The following FANCE variants were observed in gnomAD, a reference collection of about 807,000 sequenced individuals.
The protein encoded by FANCE is FA complementation group E.
In FANCE, 42 loss-of-function variants were observed where a neutral mutation model predicts 57.8. That is an observed-to-expected ratio of 0.73 (90% CI 0.57 to 0.94). The LOEUF (loss-of-function observed/expected upper bound fraction) is 0.94. Among genes scored for constraint, FANCE ranks in the 40% least tolerant of loss-of-function variants. The pLI is 0.00. For missense variants in FANCE, 608 were observed against 661.8 expected (o/e 0.92, Z 0.89); for synonymous variants, 251 against 286.4 (o/e 0.88, Z 1.25).
chr6:35,466,151 G>A (rs1419073679), intron 9 of FANCE, 93 bp from the exon 10 acceptor site: 3 of 816,682 alleles, frequency 3.7e-6, no homozygotes, highest in Non-Finnish European at 6.6e-6. Flanking sequence ...CCATCCTCCT[G>A]GCCTCCTCTC....
chr6:35,460,647 A>T (rs1344926508), intron 8 of FANCE, 29 bp downstream of exon 8: 1 of 1,602,992 alleles, frequency 6.2e-7, no homozygotes, highest in African/African-American at 1.3e-5. Flanking sequence ...GGAAGAGTGG[A>T]CAAAGAAGTG....
In FANCE at chr6:35,455,898, CGTGCCCT is replaced by C; in HGVS notation, c.402_408del (p.Ala135GlyfsTer42). On this transcript the variant is annotated frameshift_variant, in exon 2 of 10. Coordinates refer to ENST00000229769, the MANE Select transcript of FANCE (RefSeq NM_021922.3). LOFTEE classifies it high-confidence loss of function. The stretch of plus-strand genomic sequence containing the variant: ...AGCCCCTGACCCAGATGCCTGGCTC[CGTGCCCT>C]GGGGGAATTGCTGCGAAGGGATTTG... The C allele has an allele frequency of 6.2e-7, 1 of 1,614,152 alleles. No homozygotes were observed. The highest frequency in any genetic ancestry group is 1.1e-5 in the South Asian group (1 of 91,082).
At chr6:35,464,820 C>T (rs1427482037) in intron 9 of FANCE, among the ~76,000 whole-genome samples, 2 of 149,752 alleles carry the variant, frequency 1.3e-5, no homozygotes, top group Admixed American at 1.3e-4. Context: ...GCAAGCTCCG[C>T]CTCCTGGGTT....
At chr6:35,455,649 C>T in intron 1 of FANCE, 98 bp from the exon 2 acceptor site, 1 of 1,443,352 alleles carries the variant, frequency 6.9e-7, no homozygotes, top group Non-Finnish European at 9.6e-7. Context: ...GTGCCAGCCC[C>T]CATCTGTCCA....
intron 1 of FANCE, among the ~76,000 whole-genome samples, chr6:35,453,085 C>G (rs1767175607): frequency 1.3e-5 from 2 of 152,180 alleles, no homozygotes; most frequent in African/African-American, 4.8e-5. Context: ...TGTAAGTATA[C>G]TTATGTATAA....
intron 4 of FANCE, 152 bp from the exon 5 acceptor site, chr6:35,458,145 C>G: frequency 7.9e-7 from 1 of 1,269,752 alleles, no homozygotes; most frequent in South Asian, 1.2e-5. Context: ...TCTTTTAGCC[C>G]TTGGTTCCTT....
chr6:35,456,489 T>C lies in FANCE; in HGVS notation c.855+136T>C. On this transcript the variant is annotated intron_variant, in intron 2 of 9. Coordinates refer to ENST00000229769, the MANE Select transcript of FANCE (RefSeq NM_021922.3). The surrounding 1 kb of genome is among the most constrained non-coding windows in gnomAD (Gnocchi z 4.3). ...GGAGGAAGAAGGAGGAAGGTAGGGT[T>C]GAGGGAATGTAGCCTCCACTCTACA... 4 of 1,156,046 alleles carry C rather than the reference T, an allele frequency of 3.5e-6. No individual in the cohort carries two copies. Among genetic ancestry groups the C allele is most frequent in the Non-Finnish European group, 5.2e-6 (4 of 771,578 alleles). 71.6% of individuals were successfully genotyped at this position (1,156,046 alleles called of 1,614,324 possible).
Position 35,452,908 on chromosome 6 carries a change from G to A in FANCE, c.248+115G>A, listed in dbSNP as rs1221686696. On this transcript the variant is annotated intron_variant, in intron 1 of 9. Transcript: ENST00000229769. ...AGCGACGGCCTGCCGCGCACCCTATGAGCAGGGGCACCCTTCACTGAGCAC... is the reference window on the plus strand; with the variant it reads ...AGCGACGGCCTGCCGCGCACCCTATAAGCAGGGGCACCCTTCACTGAGCAC... 3.6e-6 allele frequency: 4 copies of A among 1,106,224 alleles called. No homozygotes were observed. In the East Asian group the frequency reaches 1.3e-4, roughly 36 times the overall value. 68.5% of individuals were successfully genotyped at this position (1,106,224 alleles called of 1,614,324 possible). A position where few individuals can be genotyped will look rare whatever the true frequency, so the allele number is the denominator to read the frequency against.
chr6:35,459,099 C>CGA (rs1767480115), intron 5 of FANCE, among the ~76,000 whole-genome samples: 1 of 152,140 alleles, frequency 6.6e-6, no homozygotes, highest in Non-Finnish European at 1.5e-5. Context: ...TCTAACTTCT[C>CGA]TTTGGGCACC....
Position 35,457,942 on chromosome 6 carries a change from C to G in FANCE, c.927C>G (p.Pro309=), listed in dbSNP as rs763403812. The G allele has an allele frequency of 5.6e-6, 9 of 1,614,150 alleles. No individual in the cohort carries two copies. Among genetic ancestry groups the G allele is most frequent in the Non-Finnish European group, 1.7e-6 (2 of 1,180,018 alleles). Residue 309 remains proline (P), a synonymous_variant, in exon 4 of 10, where the codon CCC becomes CCG. Coordinates refer to ENST00000229769, the MANE Select transcript of FANCE (RefSeq NM_021922.3). The part of the protein sequence containing the change: ...EEGLEGLEDA[P]PVELQLLHEC... ...GGTTAGAGGGATTGGAGGATGCCCC[C>G]CCAGTTGAGCTACAGCTTCTTCACG...
Position 35,455,845 on chromosome 6 carries a change from C to T in FANCE, c.347C>T (p.Ser116Phe), listed in dbSNP as rs1767306864. ...TCGCTGCCGGAAAGTGGGCTCCTCT[C>T]TGTGCTGCAGATTGCCCAGCAGGAC... The part of the protein sequence containing the change: ...RPSLPESGLL[S>F]VLQIAQQDLA... The change falls in exon 2 of 10, where the codon TCT becomes TTT. Residue 116 changes from serine to phenylalanine, a missense_variant. Transcript: ENST00000229769. 2 of 1,614,106 alleles carry T rather than the reference C, an allele frequency of 1.2e-6. No individual in the cohort carries two copies. Among genetic ancestry groups the T allele is most frequent in the Admixed American group, 1.7e-5 (1 of 60,004 alleles).
intron 8 of FANCE, among the ~76,000 whole-genome samples, chr6:35,461,350 A>G (rs1028443749): frequency 2.0e-5 from 3 of 152,138 alleles, no homozygotes; most frequent in African/African-American, 7.2e-5. Context: ...TAAAAGCTCA[A>G]AAGGATACAG....
chr6:35,452,832 GC>G, intron 1 of FANCE, 39 bp downstream of exon 1: 1 of 1,288,540 alleles, frequency 7.8e-7, no homozygotes, highest in Non-Finnish European at 9.9e-7. Context: ...GGTATGGGAG[GC>G]GGGGGGCTGT....
intron 1 of FANCE, among the ~76,000 whole-genome samples, chr6:35,455,376 C>T (rs762246791): frequency 5.9e-5 from 9 of 151,624 alleles, no homozygotes; most frequent in Admixed American, 1.3e-4. Context: ...GGCATGATCT[C>T]GGCTCACTGC....
intron 1 of FANCE, among the ~76,000 whole-genome samples, chr6:35,454,305 T>C (rs1767236590): frequency 6.6e-6 from 1 of 152,222 alleles, no homozygotes; most frequent in Middle Eastern, 3.2e-3. Context: ...ACCCACCTCG[T>C]GATCCACCTA....
intron 1 of FANCE, among the ~76,000 whole-genome samples, chr6:35,453,435 C>A (rs1223895158): frequency 6.6e-6 from 1 of 151,826 alleles, no homozygotes; most frequent in Non-Finnish European, 1.5e-5. Flanking sequence ...GGCAGGCATT[C>A]TTTTAAGCCA....
At chr6:35,459,307 T>C in intron 5 of FANCE, 24 bp from the exon 6 acceptor site, 2 of 1,613,764 alleles carry the variant, frequency 1.2e-6, no homozygotes, top group East Asian at 4.5e-5. Context: ...AAATAATTAA[T>C]TTTTTCCTCC....
rs1767358454 is a variant in FANCE, at chr6:35,456,718, T to A, written c.855+365T>A. On this transcript the variant is annotated intron_variant, in intron 2 of 9. Coordinates refer to ENST00000229769, the MANE Select transcript of FANCE (RefSeq NM_021922.3). The surrounding 1 kb of genome is among the most constrained non-coding windows in gnomAD (Gnocchi z 4.3). ...TAGTAGAGACAGGGTTTCTCCATGT[T>A]GGTCAGGCTGGTCTTGAACTCCTGA... is the stretch of plus-strand genomic sequence containing the variant. Among the ~76,000 whole-genome samples the A allele has an allele frequency of 6.6e-6, 1 of 151,948 alleles. No individual in the cohort carries two copies. The highest frequency in any genetic ancestry group is 2.4e-5 in the African/African-American group (1 of 41,384).
rs965562269 is a variant in FANCE, at chr6:35,466,728, C to G, written c.*383C>G. ...TACATGCACATGACACTATGCCCAGCTAATTTTTTATTTTGTAGATAATAT... is the reference window on the plus strand; with the variant it reads ...TACATGCACATGACACTATGCCCAGGTAATTTTTTATTTTGTAGATAATAT... On this transcript the variant is annotated 3_prime_UTR_variant, in exon 10 of 10. Coordinates refer to ENST00000229769, the MANE Select transcript of FANCE (RefSeq NM_021922.3). The G allele has an allele frequency of 5.5e-6, 2 of 365,484 alleles. No homozygotes were observed. The highest frequency in any genetic ancestry group is 4.1e-5 in the African/African-American group (2 of 48,276). 22.6% of individuals were successfully genotyped at this position (365,484 alleles called of 1,614,324 possible).
Sources: allele counts gnomAD v4.1 joint callset (sites outside exome capture counted in the v4.1 genomes callset), GRCh38; gene constraint gnomAD v4.1.1; non-coding constraint Gnocchi (gnomAD v3.1); transcripts MANE v1.5; gene names NCBI Gene and HGNC (gene_info 2026-07-23, HGNC 2026-07-21).